Variants in ZC2HC1B observed in about 807,000 individuals in gnomAD.
ZC2HC1B encodes the protein zinc finger C2HC domain-containing protein 1B.
ZC2HC1B carries 36 observed loss-of-function variants against 31.0 expected under a neutral mutation model. The ratio of observed to expected loss-of-function variants is 1.16; its 90% CI spans 0.89 to 1.54. ZC2HC1B has a LOEUF of 1.54. ZC2HC1B is among the 40% of genes most tolerant of loss of function. The pLI is 0.00. For missense variants in ZC2HC1B, 260 were observed against 268.6 expected (o/e 0.97, Z 0.22); for synonymous variants, 73 against 88.0 (o/e 0.83, Z 0.95).
chr6:143,922,581 G>C lies in ZC2HC1B; in HGVS notation c.599-15068G>C, dbSNP rs1485065442. On this transcript the variant is annotated intron_variant, in intron 6 of 7. Coordinates refer to ENST00000237275, the MANE Select transcript of ZC2HC1B (RefSeq NM_001013623.3). The surrounding 1 kb of genome is among the most constrained non-coding windows in gnomAD (Gnocchi z 5.0). ...ATATGAATGAGAACATGTGATATTT[G>C]TCTTTCTGTGTCTGGCTTAATTCAT... 6.6e-6 allele frequency among the ~76,000 whole-genome samples: 1 copy of C among 152,118 alleles called. No homozygotes were observed. Among genetic ancestry groups the C allele is most frequent in the Non-Finnish European group, 1.5e-5 (1 of 68,010 alleles).
chr6:143,887,431 G>T lies in ZC2HC1B; in HGVS notation c.349+610G>T, dbSNP rs1029839298. ...TAATACTTTAGCTATTTTAGTATGC[G>T]TCTCTTAAGTATGAGTTCCTTTTCC... On this transcript the variant is annotated intron_variant, in intron 4 of 7. Transcript: ENST00000237275. The surrounding 1 kb of genome is among the most constrained non-coding windows in gnomAD (Gnocchi z 5.1). 6.6e-6 allele frequency among the ~76,000 whole-genome samples: 1 copy of T among 151,896 alleles called. No homozygotes were observed. The highest frequency in any genetic ancestry group is 1.5e-5 in the Non-Finnish European group (1 of 67,976).
intron 6 of ZC2HC1B, among the ~76,000 whole-genome samples, chr6:143,926,248 A>G (rs1181511069): frequency 2.0e-5 from 3 of 152,166 alleles, no homozygotes; most frequent in African/African-American, 7.2e-5. Context: ...TTCTTGATAT[A>G]CGCATTTATT....
Position 143,886,124 on chromosome 6 carries a change from T to C in ZC2HC1B, c.183T>C (p.Pro61=), listed in dbSNP as rs1297608849. 1 of 1,547,986 alleles carries C rather than the reference T, an allele frequency of 6.5e-7. No individual in the cohort carries two copies. Residue 61 remains proline (P), a synonymous_variant, in exon 3 of 8, where the codon CCT becomes CCC. Coordinates refer to ENST00000237275, the MANE Select transcript of ZC2HC1B (RefSeq NM_001013623.3). The surrounding 1 kb of genome is among the most constrained non-coding windows in gnomAD (Gnocchi z 4.2). ...LKQRLQGTDI[P]TVKKTPQSKS... ...AAAGATTACAGGGCACTGACATTCC[T>C]ACTGTGAAGAAGACTCCACAATCCA...
chr6:143,890,460 T>C (rs1582958758), intron 4 of ZC2HC1B, among the ~76,000 whole-genome samples: 2 of 148,660 alleles, frequency 1.3e-5, no homozygotes, highest in East Asian at 3.9e-4. Context: ...TCCATAAAGG[T>C]CATCCTTGAG....
Position 143,881,019 on chromosome 6 carries a change from C to T in ZC2HC1B, c.29-3285C>T, listed in dbSNP as rs1015773177. Among the ~76,000 whole-genome samples, 3 of 152,278 alleles carry T rather than the reference C, an allele frequency of 2.0e-5. No individual in the cohort carries two copies. The East Asian group carries it at 5.8e-4, about 29-fold the overall frequency. ...GCAGAACCACCTCACAGTGAAGATACACAACTATTCCATCACACAGAGATC... is the reference window on the plus strand; with the variant it reads ...GCAGAACCACCTCACAGTGAAGATATACAACTATTCCATCACACAGAGATC... On this transcript the variant is annotated intron_variant, in intron 1 of 7. Coordinates refer to ENST00000237275, the MANE Select transcript of ZC2HC1B (RefSeq NM_001013623.3).
In ZC2HC1B at chr6:143,934,099, G is replaced by A. The variant is rs947086388; in HGVS notation, c.599-3550G>A. Among the ~76,000 whole-genome samples the A allele has an allele frequency of 5.3e-5, 8 of 152,176 alleles. No homozygotes were observed. Among genetic ancestry groups the A allele is most frequent in the African/African-American group, 1.7e-4 (7 of 41,446 alleles). Reference sequence around the variant, plus strand: ...CAAATCAATTTCAGCTCTAGGTAAGGCTAAATTCTTCTCCCGTAATCTGGA... The same window carrying A: ...CAAATCAATTTCAGCTCTAGGTAAGACTAAATTCTTCTCCCGTAATCTGGA... On this transcript the variant is annotated intron_variant, in intron 6 of 7. Transcript: ENST00000237275. This position sits in a 1 kb window ranked among gnomAD's most constrained non-coding sequence, Gnocchi z 4.6.
intron 6 of ZC2HC1B, among the ~76,000 whole-genome samples, chr6:143,928,538 G>A (rs1778078573): frequency 6.6e-6 from 1 of 151,736 alleles, no homozygotes; most frequent in South Asian, 2.1e-4. Flanking sequence ...GTGGAGTTAG[G>A]TAATGTGATG....
intron 6 of ZC2HC1B, among the ~76,000 whole-genome samples, chr6:143,925,839 T>G (rs1778033969): frequency 6.6e-6 from 1 of 152,142 alleles, no homozygotes. Context: ...CCAGCCCTGA[T>G]TTATTCTTAG....
At chr6:143,925,780 C>A (rs545541188) in intron 6 of ZC2HC1B, among the ~76,000 whole-genome samples, 2 of 151,648 alleles carry the variant, frequency 1.3e-5, no homozygotes, top group East Asian at 3.9e-4. Flanking sequence ...CTCAGGAAGC[C>A]CACCTTGGCC....
chr6:143,874,106 T>C (rs575201591), intron 1 of ZC2HC1B, among the ~76,000 whole-genome samples: 1 of 152,308 alleles, frequency 6.6e-6, no homozygotes, highest in African/African-American at 2.4e-5. Flanking sequence ...TTCCACCAGG[T>C]ACCCTACGTC....
chr6:143,916,612 A>T (rs570844003), intron 6 of ZC2HC1B, among the ~76,000 whole-genome samples: 274 of 152,336 alleles, frequency 1.8e-3, no homozygotes, highest in Non-Finnish European at 3.4e-3. Flanking sequence ...GGGTGGAGCT[A>T]CCCAAGGCTG....
intron 1 of ZC2HC1B, among the ~76,000 whole-genome samples, chr6:143,882,151 G>A (rs1777475274): frequency 6.6e-6 from 1 of 151,416 alleles, no homozygotes; most frequent in Admixed American, 6.6e-5. Context: ...GTCTTATAGG[G>A]TCACTGTAAG....
In ZC2HC1B at chr6:143,934,897, G is replaced by A. The variant is rs749357067; in HGVS notation, c.599-2752G>A. On this transcript the variant is annotated intron_variant, in intron 6 of 7. Transcript: ENST00000237275. The surrounding 1 kb of genome is among the most constrained non-coding windows in gnomAD (Gnocchi z 4.6). Reference sequence around the variant, plus strand: ...GCATACGTGGGCACTGGTGTTAGCAGGTCCAGGCAGACCAATCTTTGGACC... The same window carrying A: ...GCATACGTGGGCACTGGTGTTAGCAAGTCCAGGCAGACCAATCTTTGGACC... Among the ~76,000 whole-genome samples the A allele has an allele frequency of 6.6e-6, 1 of 152,164 alleles. No individual in the cohort carries two copies. Among genetic ancestry groups the A allele is most frequent in the Non-Finnish European group, 1.5e-5 (1 of 68,030 alleles).
intron 6 of ZC2HC1B, among the ~76,000 whole-genome samples, chr6:143,912,413 AT>A (rs1257783303): frequency 6.6e-6 from 1 of 151,726 alleles, no homozygotes; most frequent in Non-Finnish European, 1.5e-5. Flanking sequence ...TCTACCTTTG[AT>A]TTTTTACATT....
rs746891821 is a variant in ZC2HC1B at position 143,934,389 on chromosome 6, C to T, written c.599-3260C>T. Among the ~76,000 whole-genome samples, 5 of 152,166 alleles carry T rather than the reference C, an allele frequency of 3.3e-5. No homozygotes were observed. The highest frequency in any genetic ancestry group is 2.0e-4 in the Admixed American group (3 of 15,270). ...GCCCTGTCCCCTATCTGCCATCTTC[C>T]CTCTCTTTCAATATGCTTTTTTAAT... is the stretch of plus-strand genomic sequence containing the variant. On this transcript the variant is annotated intron_variant, in intron 6 of 7. Transcript: ENST00000237275. The surrounding 1 kb of genome is among the most constrained non-coding windows in gnomAD (Gnocchi z 4.6).
rs1778156875 is a variant in ZC2HC1B at position 143,934,717 on chromosome 6, G to A, written c.599-2932G>A. ...GATTTTTTGGCTGTAATTACTATCA[G>A]TGGTGTCTATGAATTCCTTAGTGAC... On this transcript the variant is annotated intron_variant, in intron 6 of 7. Transcript: ENST00000237275. The surrounding 1 kb of genome is among the most constrained non-coding windows in gnomAD (Gnocchi z 4.6). Among the ~76,000 whole-genome samples, 1 of 152,182 alleles carries A rather than the reference G, an allele frequency of 6.6e-6. No individual in the cohort carries two copies. Among genetic ancestry groups the A allele is most frequent in the South Asian group, 2.1e-4 (1 of 4,828 alleles).
chr6:143,908,292 G>GTT lies in ZC2HC1B; in HGVS notation c.598+5145_598+5146dup, dbSNP rs139709855. On this transcript the variant is annotated intron_variant, in intron 6 of 7. Coordinates refer to ENST00000237275, the MANE Select transcript of ZC2HC1B (RefSeq NM_001013623.3). This position sits in a 1 kb window ranked among gnomAD's most constrained non-coding sequence, Gnocchi z 4.4. ...TTGATTTCATATGAATTTTAAAATA[G>GTT]TTTTTTCTAATTCTGTGAAGAATGT... 6.6e-6 allele frequency among the ~76,000 whole-genome samples: 1 copy of GTT among 152,010 alleles called. No homozygotes were observed. Among genetic ancestry groups the GTT allele is most frequent in the East Asian group, 1.9e-4 (1 of 5,174 alleles).
At chr6:143,935,492 G>T (rs939179542) in intron 6 of ZC2HC1B, among the ~76,000 whole-genome samples, 3 of 152,002 alleles carry the variant, frequency 2.0e-5, no homozygotes, top group Non-Finnish European at 4.4e-5. Flanking sequence ...TGTGGCAGGG[G>T]TCAGGGCAGC....
Position 143,906,917 on chromosome 6 carries a change from C to T in ZC2HC1B, c.598+3765C>T, listed in dbSNP as rs564749505. On this transcript the variant is annotated intron_variant, in intron 6 of 7. Coordinates refer to ENST00000237275, the MANE Select transcript of ZC2HC1B (RefSeq NM_001013623.3). ...TGAGCATCCATGAGCTATTCTTCCT[C>T]ATGCTCTCCCTCCTTCCCCCCATTC... is the stretch of plus-strand genomic sequence containing the variant. 3.9e-5 allele frequency among the ~76,000 whole-genome samples: 6 copies of T among 152,238 alleles called. No individual in the cohort carries two copies. In the South Asian group the frequency reaches 8.3e-4, roughly 21 times the overall value.
Sources: gnomAD v4.1 joint callset for allele counts (sites outside exome capture counted in the v4.1 genomes callset) on GRCh38, gnomAD v4.1.1 for gene constraint, Gnocchi (gnomAD v3.1) non-coding constraint, MANE v1.5 for transcripts, NCBI Gene and HGNC (gene_info 2026-07-23, HGNC 2026-07-21) for gene names.